Variants in CSMD1 observed in about 807,000 individuals in gnomAD.
CSMD1 encodes CUB and sushi domain-containing protein 1.
In CSMD1, 213 loss-of-function variants were observed where a neutral mutation model predicts 417.5. The observed-to-expected ratio is 0.51, with a 90% CI of 0.46 to 0.57. CSMD1 has a LOEUF of 0.57. Ranked by LOEUF, CSMD1 falls within the 20% of genes least tolerant of loss-of-function variation. The pLI is 0.00. For missense variants in CSMD1, 6,923 were observed against 4,529.7 expected (o/e 1.53, Z -15.17); for synonymous variants, 2,862 against 1,736.8 (o/e 1.65, Z -16.11).
intron 3 of CSMD1, among the ~76,000 whole-genome samples, chr8:4,289,372 A>G (rs1374964512): frequency 6.7e-6 from 1 of 149,068 alleles, no homozygotes; most frequent in East Asian, 2.0e-4. Flanking sequence ...GGTAAGATAG[A>G]TTAACATCGA....
At chr8:4,528,612 A>C (rs576161201) in intron 2 of CSMD1, among the ~76,000 whole-genome samples, 1 of 152,314 alleles carries the variant, frequency 6.6e-6, no homozygotes, top group African/African-American at 2.4e-5. Flanking sequence ...AGCAAAAGGA[A>C]ATTTTAGTGT....
chr8:4,457,353 G>A (rs1019076732), intron 2 of CSMD1, among the ~76,000 whole-genome samples: 3 of 152,062 alleles, frequency 2.0e-5, no homozygotes, highest in Admixed American at 6.6e-5. Flanking sequence ...AGGGGTTTGC[G>A]GAGGAAGAAG....
At chr8:3,292,881 G>A (rs144549063) in intron 25 of CSMD1, among the ~76,000 whole-genome samples, 1 of 151,220 alleles carries the variant, frequency 6.6e-6, no homozygotes, top group African/African-American at 2.4e-5. Context: ...GATGTTAGCT[G>A]GTTATTTTGC....
intron 5 of CSMD1, among the ~76,000 whole-genome samples, chr8:3,863,120 G>A (rs115846229): frequency 0.023 from 3,507 of 152,162 alleles, 50 homozygotes; most frequent in Middle Eastern, 0.058. Flanking sequence ...TGCGAAGGTC[G>A]GGCGCGGTGG....
chr8:4,769,118 A>G (rs974706399), intron 1 of CSMD1, among the ~76,000 whole-genome samples: 2 of 152,180 alleles, frequency 1.3e-5, no homozygotes, highest in African/African-American at 2.4e-5. Context: ...TTCAAAATCT[A>G]CTTGCTCTAT....
At position 4,503,961 on chromosome 8, in the gene CSMD1, T is replaced by C. The variant is rs371444922; in HGVS notation, c.303-83896A>G. Reference sequence around the variant, plus strand: ...CATCACATAATCCAGCAACACTACTTGCATATTCAAAAAAAAAAAAAAAGA... The same window carrying C: ...CATCACATAATCCAGCAACACTACTCGCATATTCAAAAAAAAAAAAAAAGA... On this transcript the variant is annotated intron_variant, in intron 2 of 69. Transcript: ENST00000635120. Among the ~76,000 whole-genome samples the C allele has an allele frequency of 1.6e-4, 23 of 144,164 alleles. No individual in the cohort carries two copies. In the East Asian group the frequency reaches 3.9e-3, roughly 25 times the overall value. The allele number at this position is 144,164 out of a possible 152,430, so 94.6% of individuals were successfully genotyped here. A position where few individuals can be genotyped will look rare whatever the true frequency, so the allele number is the denominator to read the frequency against.
chr8:3,056,862 T>A (rs942481982), intron 49 of CSMD1, among the ~76,000 whole-genome samples: 1 of 151,988 alleles, frequency 6.6e-6, no homozygotes, highest in Admixed American at 6.6e-5. Flanking sequence ...TATAAATATA[T>A]GTACACATAT....
At chr8:3,461,322 C>T (rs570884571) in intron 12 of CSMD1, among the ~76,000 whole-genome samples, 3 of 152,294 alleles carry the variant, frequency 2.0e-5, no homozygotes, top group African/African-American at 7.2e-5. Flanking sequence ...CTTCTGAAGG[C>T]ATGGCTGAGG....
chr8:3,976,758 G>C (rs1813465429), intron 5 of CSMD1, among the ~76,000 whole-genome samples: 1 of 152,118 alleles, frequency 6.6e-6, no homozygotes, highest in Admixed American at 6.6e-5. Flanking sequence ...TCAACATTTT[G>C]TAGAGAATGA....
At chr8:4,237,363 G>C (rs1453250585) in intron 3 of CSMD1, among the ~76,000 whole-genome samples, 2 of 151,992 alleles carry the variant, frequency 1.3e-5, no homozygotes, top group East Asian at 1.9e-4. Flanking sequence ...CATTATTTCT[G>C]AGACTCAGTT....
intron 47 of CSMD1, among the ~76,000 whole-genome samples, chr8:3,095,014 C>T (rs1338639925): frequency 6.6e-6 from 1 of 151,996 alleles, no homozygotes; most frequent in East Asian, 1.9e-4. Flanking sequence ...CGTATTTTAC[C>T]TGTTGTTTAT....
At chr8:4,608,702 C>A (rs1585324457) in intron 2 of CSMD1, among the ~76,000 whole-genome samples, 1 of 152,094 alleles carries the variant, frequency 6.6e-6, no homozygotes, top group Admixed American at 6.6e-5. Flanking sequence ...TGAAAATTAT[C>A]CTTCAGGCAT....
chr8:3,975,724 T>C (rs1813388856), intron 5 of CSMD1, among the ~76,000 whole-genome samples: 1 of 152,234 alleles, frequency 6.6e-6, no homozygotes, highest in Non-Finnish European at 1.5e-5. Flanking sequence ...CTTCATTACA[T>C]GCAAACTTTA....
chr8:3,678,976 G>C (rs186905160), intron 7 of CSMD1, among the ~76,000 whole-genome samples: 1 of 152,188 alleles, frequency 6.6e-6, no homozygotes, highest in East Asian at 1.9e-4. Flanking sequence ...TCACAGACAA[G>C]CAAATGCTGA....
chr8:3,863,941 G>C (rs117605816), intron 5 of CSMD1, among the ~76,000 whole-genome samples: 1,597 of 152,264 alleles, frequency 0.01, 13 homozygotes, highest in Non-Finnish European at 0.017. Context: ...ATGACCTCCA[G>C]AGGTTTAGAG....
chr8:3,792,705 C>A (rs1424926864), intron 5 of CSMD1, among the ~76,000 whole-genome samples: 1 of 152,132 alleles, frequency 6.6e-6, no homozygotes, highest in African/African-American at 2.4e-5. Flanking sequence ...AAAATTGACA[C>A]AGTCAAGTTG....
chr8:4,243,052 G>T lies in CSMD1; in HGVS notation c.415+176901C>A, dbSNP rs1056428246. On this transcript the variant is annotated intron_variant, in intron 3 of 69. Coordinates refer to ENST00000635120, the MANE Select transcript of CSMD1 (RefSeq NM_033225.6). ...GGCAGAGGTTTTATCTGAGTACACGGGTCAGGGGTAGTTTTTTCCTTTCTT... is the reference window on the plus strand; with the variant it reads ...GGCAGAGGTTTTATCTGAGTACACGTGTCAGGGGTAGTTTTTTCCTTTCTT... 2.0e-5 allele frequency among the ~76,000 whole-genome samples: 3 copies of T among 152,100 alleles called. No homozygotes were observed. The South Asian group carries it at 6.2e-4, about 32-fold the overall frequency.
chr8:3,432,337 T>A (rs1022822343), intron 12 of CSMD1, among the ~76,000 whole-genome samples: 2 of 152,108 alleles, frequency 1.3e-5, no homozygotes, highest in Admixed American at 1.3e-4. Flanking sequence ...TTTAAAGTGT[T>A]TACTCCTTAG....
At chr8:4,240,737 C>T (rs768561003) in intron 3 of CSMD1, among the ~76,000 whole-genome samples, 6 of 152,000 alleles carry the variant, frequency 3.9e-5, no homozygotes, top group East Asian at 1.9e-4. Flanking sequence ...GTTGCTCTTC[C>T]TTTTTTCTGT....
Sources: gnomAD v4.1 joint callset for allele counts (sites outside exome capture counted in the v4.1 genomes callset) on GRCh38, gnomAD v4.1.1 for gene constraint, MANE v1.5 for transcripts, NCBI Gene and HGNC (gene_info 2026-07-23, HGNC 2026-07-21) for gene names.